The following ZC3H12B variants were observed in gnomAD, a reference collection of about 807,000 sequenced individuals.
The protein encoded by ZC3H12B is probable ribonuclease ZC3H12B.
ZC3H12B carries 7 observed loss-of-function variants against 43.9 expected under a neutral mutation model. The observed-to-expected ratio is 0.16, with a 90% CI of 0.09 to 0.30. The LOEUF is 0.30. ZC3H12B is among the 10% of genes least tolerant of loss of function. The probability of loss-of-function intolerance (pLI) is 1.00; values close to 1 mark genes in which losing one functional copy is unlikely to be tolerated. For synonymous variants in ZC3H12B, 222 were observed against 241.7 expected (o/e 0.92, Z 0.76); for missense variants, 475 against 670.2 (o/e 0.71, Z 3.22).
At chrX:65,065,565 G>T in the ZC3H12B span, among the ~76,000 whole-genome samples, 1 of 111,224 alleles carries the variant, frequency 9.0e-6, no homozygotes, top group Non-Finnish European at 1.9e-5. Flanking sequence ...CTCTCTCTCT[G>T]CCCTTAACAA....
Position 65,492,620 on chromosome X carries a change from G to T in ZC3H12B, c.608+3211G>T, listed in dbSNP as rs771790121. Among the ~76,000 whole-genome samples, 8 of 111,711 alleles carry T rather than the reference G, an allele frequency of 7.2e-5. No homozygotes were observed. The East Asian group carries it at 2.3e-3, about 31-fold the overall frequency. On this transcript the variant is annotated intron_variant, in intron 1 of 4. Transcript: ENST00000338957. ...ATTACCGTTAAGTCCCATTTATTCT[G>T]CAATCACATTTCACATGCTCAAAGT...
chrX:65,088,010 T>A, the ZC3H12B span, among the ~76,000 whole-genome samples: 1 of 111,887 alleles, frequency 8.9e-6, no homozygotes, highest in Admixed American at 9.5e-5. Flanking sequence ...TTAGTAATGA[T>A]GTAAAATGTA....
chrX:65,465,689 A>G (rs1367462011), intron 3 of ZC3H12B, among the ~76,000 whole-genome samples: 1 of 110,439 alleles, frequency 9.1e-6, no homozygotes, highest in South Asian at 3.8e-4. Context: ...TTTTCCTCCA[A>G]TACTGCCTTA....
At chrX:65,359,627 C>T in the ZC3H12B span, among the ~76,000 whole-genome samples, 1 of 112,097 alleles carries the variant, frequency 8.9e-6, no homozygotes, top group African/African-American at 3.2e-5. Flanking sequence ...AACAGAATTG[C>T]TGCAGTCTCA....
the ZC3H12B span, among the ~76,000 whole-genome samples, chrX:65,225,371 G>T: frequency 8.9e-6 from 1 of 111,999 alleles, no homozygotes. Context: ...CAAAAACCAT[G>T]TGTACATCAC....
chrX:65,154,905 GT>G, the ZC3H12B span, among the ~76,000 whole-genome samples: 6 of 110,543 alleles, frequency 5.4e-5, no homozygotes, highest in African/African-American at 1.6e-4. Flanking sequence ...TGCTTGTAGG[GT>G]TTTTAAATGG....
chrX:65,035,346 C>T, the ZC3H12B span, among the ~76,000 whole-genome samples: 1 of 112,276 alleles, frequency 8.9e-6, no homozygotes, highest in South Asian at 3.7e-4. Flanking sequence ...GAGCGAATCG[C>T]TGCTTTCTCC....
At chrX:65,322,974 TG>T in the ZC3H12B span, among the ~76,000 whole-genome samples, 1 of 111,999 alleles carries the variant, frequency 8.9e-6, no homozygotes, top group Non-Finnish European at 1.9e-5. Context: ...TTTGTGTTAG[TG>T]ATTTTAATGG....
At chrX:65,356,173 G>A in the ZC3H12B span, among the ~76,000 whole-genome samples, 4 of 111,488 alleles carry the variant, frequency 3.6e-5, no homozygotes, top group Admixed American at 3.8e-4. Context: ...CACTTCCTCT[G>A]AGTAAAGCAA....
the ZC3H12B span, among the ~76,000 whole-genome samples, chrX:65,073,410 G>A: frequency 1.8e-5 from 2 of 112,170 alleles, no homozygotes; most frequent in Admixed American, 9.3e-5. Flanking sequence ...GAGCTACAAT[G>A]TAGGCCCCCA....
intron 3 of ZC3H12B, among the ~76,000 whole-genome samples, chrX:65,411,442 T>C (rs977448346): frequency 1.8e-5 from 2 of 111,507 alleles, no homozygotes; most frequent in Admixed American, 1.9e-4. Flanking sequence ...AATAATGTAA[T>C]TGTGGCCAGG....
At chrX:65,437,778 T>A (rs903628626) in intron 3 of ZC3H12B, among the ~76,000 whole-genome samples, 1 of 112,298 alleles carries the variant, frequency 8.9e-6, no homozygotes, top group Non-Finnish European at 1.9e-5. Flanking sequence ...CATTTTTGCT[T>A]TTATTGCCTA....
intron 3 of ZC3H12B, among the ~76,000 whole-genome samples, chrX:65,450,065 G>A (rs951661172): frequency 9.2e-6 from 1 of 108,927 alleles, no homozygotes; most frequent in Admixed American, 1.0e-4. Flanking sequence ...CCAACACTTT[G>A]GGAGGCTGAG....
chrX:65,180,011 G>T, the ZC3H12B span, among the ~76,000 whole-genome samples: 3 of 111,350 alleles, frequency 2.7e-5, no homozygotes, highest in Non-Finnish European at 5.7e-5. Flanking sequence ...TTATGAGGCC[G>T]GCATCGTCCT....
the ZC3H12B span, among the ~76,000 whole-genome samples, chrX:65,269,808 A>T: frequency 0.14 from 15,674 of 110,498 alleles, 2,719 homozygotes; most frequent in African/African-American, 0.49. Flanking sequence ...CATAGGAATA[A>T]TTTTTTTAAA....
intron 2 of ZC3H12B, among the ~76,000 whole-genome samples, chrX:65,389,760 C>T (rs776264297): frequency 3.6e-5 from 4 of 112,374 alleles, no homozygotes; most frequent in Non-Finnish European, 7.5e-5. Context: ...TGTTCCTATT[C>T]GGCCATCTTG....
chrX:65,429,282 G>T (rs2067120878), intron 3 of ZC3H12B, among the ~76,000 whole-genome samples: 1 of 112,693 alleles, frequency 8.9e-6, no homozygotes, highest in South Asian at 3.6e-4. Flanking sequence ...GGGTAGAGCA[G>T]GCATGCTGTG....
chrX:65,380,001 G>A lies in ZC3H12B; in HGVS notation n.295+11003G>A, dbSNP rs1167399194. The stretch of plus-strand genomic sequence containing the variant: ...TCTGATTGGTGTACCTGAAAGTCAC[G>A]GGGAGAATGGAACCAAGTTGGAAAA... On this transcript the variant is annotated intron_variant and non_coding_transcript_variant, in intron 2 of 5. Transcript: ENST00000617377. Among the ~76,000 whole-genome samples the A allele has an allele frequency of 3.6e-5, 4 of 112,154 alleles. No individual in the cohort carries two copies. In the South Asian group the frequency reaches 1.1e-3, roughly 31 times the overall value.
At chrX:65,306,693 T>C in the ZC3H12B span, among the ~76,000 whole-genome samples, 1 of 111,847 alleles carries the variant, frequency 8.9e-6, no homozygotes, top group African/African-American at 3.3e-5. Context: ...AATATTTAAC[T>C]AAGAGAAATG....
Sources: allele counts gnomAD v4.1 joint callset (sites outside exome capture counted in the v4.1 genomes callset), GRCh38; gene constraint gnomAD v4.1.1; transcripts MANE v1.5; gene names NCBI Gene and HGNC (gene_info 2026-07-23, HGNC 2026-07-21).